SLC9B1: variants seen among roughly 807,000 people sequenced by gnomAD.
The protein encoded by SLC9B1 is solute carrier family 9 member B1, also known as sodium/hydrogen exchanger 9B1.
Under a neutral mutation model 51.7 loss-of-function variants are expected in SLC9B1, and 32 were observed. The ratio of observed to expected loss-of-function variants is 0.62; its 90% CI spans 0.47 to 0.83. The LOEUF (loss-of-function observed/expected upper bound fraction) is 0.83, where lower values mean the gene tolerates loss of function less well. Ranked by LOEUF, SLC9B1 falls within the 40% of genes least tolerant of loss-of-function variation. The pLI, the probability that SLC9B1 is intolerant of heterozygous loss-of-function variation, is 0.00. For missense variants in SLC9B1, 406 were observed against 613.2 expected (o/e 0.66, Z 3.57); for synonymous variants, 145 against 212.7 (o/e 0.68, Z 2.77).
intron 1 of SLC9B1, among the ~76,000 whole-genome samples, chr4:102,993,882 C>A (rs1056091039): frequency 3.3e-5 from 5 of 152,340 alleles, no homozygotes; most frequent in African/African-American, 1.2e-4. Flanking sequence ...CTGTACCTGG[C>A]CTCCTTTAGA....
chr4:102,962,456 A>AT (rs1738188838), intron 3 of SLC9B1: 1 of 511,224 alleles, frequency 2.0e-6, no homozygotes, highest in South Asian at 1.5e-5. Context: ...AATACAGAGC[A>AT]TTTTTGCAGA....
chr4:102,955,892 A>G (rs1450523397), intron 3 of SLC9B1, among the ~76,000 whole-genome samples: 1 of 127,944 alleles, frequency 7.8e-6, no homozygotes, highest in Non-Finnish European at 1.6e-5. Context: ...AAAGAAAGAA[A>G]GAAAGAAAGA....
At chr4:102,885,445 T>A in intron 11 of SLC9B1, 1 of 1,605,268 alleles carries the variant, frequency 6.2e-7, no homozygotes, top group Non-Finnish European at 8.5e-7. Flanking sequence ...GATGTCTGTT[T>A]ACGTGTACAC....
chr4:102,918,364 A>C (rs967874931), intron 7 of SLC9B1, among the ~76,000 whole-genome samples: 12 of 152,126 alleles, frequency 7.9e-5, no homozygotes, highest in African/African-American at 2.9e-4. Context: ...AAAATAAAAA[A>C]TCTTAATAGA....
chr4:102,977,715 C>A (rs542075800), intron 3 of SLC9B1, among the ~76,000 whole-genome samples: 5 of 152,130 alleles, frequency 3.3e-5, no homozygotes, highest in African/African-American at 1.2e-4. Context: ...AGAGCCCCAG[C>A]TGGGTGCAGT....
intron 3 of SLC9B1, among the ~76,000 whole-genome samples, chr4:102,973,946 G>C (rs958296239): frequency 6.6e-6 from 1 of 152,042 alleles, no homozygotes; most frequent in Admixed American, 6.5e-5. Flanking sequence ...TTTGGAAAGA[G>C]AAAAAGAGAT....
intron 11 of SLC9B1, among the ~76,000 whole-genome samples, chr4:102,887,074 CT>C (rs1318740202): frequency 6.6e-6 from 1 of 152,144 alleles, no homozygotes; most frequent in Non-Finnish European, 1.5e-5. Flanking sequence ...ATTCGATTCC[CT>C]TTTAAACCTG....
chr4:102,911,110 T>C (rs1299067708), intron 8 of SLC9B1, among the ~76,000 whole-genome samples: 2 of 152,116 alleles, frequency 1.3e-5, no homozygotes, highest in Non-Finnish European at 2.9e-5. Context: ...CCCTAAAATG[T>C]TTAAGGGAAA....
chr4:102,969,041 C>A (rs1159671649), intron 3 of SLC9B1, among the ~76,000 whole-genome samples: 1 of 152,224 alleles, frequency 6.6e-6, no homozygotes, highest in Non-Finnish European at 1.5e-5. Flanking sequence ...GAAGCTCGAA[C>A]TGGGTGGAGC....
intron 3 of SLC9B1, among the ~76,000 whole-genome samples, chr4:102,956,039 G>A (rs764971227): frequency 6.6e-6 from 1 of 152,058 alleles, no homozygotes; most frequent in African/African-American, 2.4e-5. Flanking sequence ...TTTCTTCTGG[G>A]AGTCTGGAAT....
intron 3 of SLC9B1, among the ~76,000 whole-genome samples, chr4:102,959,235 T>TATATACAC (rs1005783670): frequency 5.8e-4 from 87 of 149,458 alleles, no homozygotes; most frequent in African/African-American, 2.0e-3. Context: ...CATATATATA[T>TATATACAC]ACACACACAC....
At chr4:103,008,803 T>TC (rs1212914811) in intron 1 of SLC9B1, among the ~76,000 whole-genome samples, 1 of 146,772 alleles carries the variant, frequency 6.8e-6, no homozygotes, top group Non-Finnish European at 1.5e-5. Context: ...GTTTCTTTTT[T>TC]TTTTTTTTTT....
intron 6 of SLC9B1, among the ~76,000 whole-genome samples, chr4:102,935,600 G>T (rs79838573): frequency 6.6e-6 from 1 of 152,122 alleles, no homozygotes; most frequent in African/African-American, 2.4e-5. Context: ...AATAAACTAC[G>T]TGTGTATCCA....
At chr4:102,893,580 T>G (rs563908290) in intron 11 of SLC9B1, among the ~76,000 whole-genome samples, 18 of 152,106 alleles carry the variant, frequency 1.2e-4, no homozygotes, top group Non-Finnish European at 2.5e-4. Context: ...AAAAACCAAT[T>G]CATTTCACAT....
At position 102,945,335 on chromosome 4, in the gene SLC9B1, A is replaced by G; in HGVS notation, c.526-15T>C. On this transcript the variant is annotated splice_polypyrimidine_tract_variant and intron_variant, in intron 5 of 11. Coordinates refer to ENST00000296422, the MANE Select transcript of SLC9B1 (RefSeq NM_139173.4). ...TGCCTCAAAGCCTGAAACACAAAACAGTCACACTTAGATACATTTACAATG... is the reference window on the plus strand; with the variant it reads ...TGCCTCAAAGCCTGAAACACAAAACGGTCACACTTAGATACATTTACAATG... 1 of 1,587,792 alleles carries G rather than the reference A, an allele frequency of 6.3e-7. No individual in the cohort carries two copies. Among genetic ancestry groups the G allele is most frequent in the Non-Finnish European group, 8.6e-7 (1 of 1,165,210 alleles).
intron 3 of SLC9B1, among the ~76,000 whole-genome samples, chr4:102,976,210 C>A (rs187046229): frequency 1.5e-4 from 23 of 152,290 alleles, no homozygotes; most frequent in African/African-American, 4.8e-4. Context: ...GTCAGATAAA[C>A]CCCAGCAATT....
intron 7 of SLC9B1, among the ~76,000 whole-genome samples, chr4:102,914,696 G>C (rs1735498887): frequency 6.6e-6 from 1 of 152,134 alleles, no homozygotes; most frequent in South Asian, 2.1e-4. Context: ...GGAGTCAGAG[G>C]AGCAAAAGGG....
chr4:102,927,135 AC>A (rs1736226657), intron 7 of SLC9B1, among the ~76,000 whole-genome samples: 1 of 152,216 alleles, frequency 6.6e-6, no homozygotes, highest in Non-Finnish European at 1.5e-5. Flanking sequence ...TAGACCTAAA[AC>A]CATAAAAACC....
chr4:102,990,624 G>A (rs6533052), intron 2 of SLC9B1, among the ~76,000 whole-genome samples: 82,188 of 148,776 alleles, frequency 0.55, 22,995 homozygotes, highest in African/African-American at 0.68. Flanking sequence ...TAACTCTGCA[G>A]TAGAAATCTC....
Sources: allele counts gnomAD v4.1 joint callset (sites outside exome capture counted in the v4.1 genomes callset), GRCh38; gene constraint gnomAD v4.1.1; transcripts MANE v1.5; gene names NCBI Gene and HGNC (gene_info 2026-07-23, HGNC 2026-07-21).